ERC1: variants seen among roughly 807,000 people sequenced by gnomAD.
ERC1 encodes ELKS/RAB6-interacting/CAST family member 1.
In ERC1, 56 loss-of-function variants were observed where a neutral mutation model predicts 132.0. That is an observed-to-expected ratio of 0.42 (90% CI 0.34 to 0.53). ERC1 has a LOEUF of 0.53. ERC1 is among the 20% of genes least tolerant of loss of function. The pLI, the probability that ERC1 is intolerant of heterozygous loss-of-function variation, is 0.03. For missense variants in ERC1, 1,202 were observed against 1,349.9 expected, an observed-to-expected ratio of 0.89 and a Z score of 1.72; for synonymous variants, 478 against 476.1, an observed-to-expected ratio of 1.00 and a Z score of -0.05.
chr12:990,934 CGTGTGTGT>C (rs758442595), upstream of ERC1: 2 of 99,418 alleles, frequency 2.0e-5, no homozygotes, highest in African/African-American at 6.1e-5. Context: ...CCGCAGGGGT[CGTGTGTGT>C]GTGTGTGTGA....
chr12:1,180,712 T>G, intron 9 of ERC1, 35 bp downstream of exon 9: 1 of 1,612,474 alleles, frequency 6.2e-7, no homozygotes, highest in Non-Finnish European at 8.5e-7. Flanking sequence ...ACACACGTTT[T>G]CTGCTTTCTC....
chr12:1,440,274 G>A (rs11061758), intron 17 of ERC1, among the ~76,000 whole-genome samples: 31,934 of 134,202 alleles, frequency 0.24, 6,863 homozygotes, highest in African/African-American at 0.59. Flanking sequence ...GTGCCATCTC[G>A]GCTCACTGCA....
chr12:1,199,472 T>TAAA (rs144332674), intron 12 of ERC1, among the ~76,000 whole-genome samples: 3 of 150,156 alleles, frequency 2.0e-5, no homozygotes, highest in African/African-American at 7.3e-5. Context: ...CTGACTTTGT[T>TAAA]AAAAAAAAAA....
At chr12:1,174,302 C>CT (rs1566146362) in intron 8 of ERC1, among the ~76,000 whole-genome samples, 1 of 152,250 alleles carries the variant, frequency 6.6e-6, no homozygotes, top group African/African-American at 2.4e-5. Flanking sequence ...GTCCACTGTT[C>CT]TTTTTTTATT....
At chr12:1,312,634 C>T (rs988854901) in intron 15 of ERC1, among the ~76,000 whole-genome samples, 24 of 152,236 alleles carry the variant, frequency 1.6e-4, no homozygotes, top group Admixed American at 6.5e-5. Context: ...GCTGGTATCA[C>T]AGGCGTGAAC....
At chr12:1,073,959 C>T (rs960616023) in intron 2 of ERC1, among the ~76,000 whole-genome samples, 1 of 150,322 alleles carries the variant, frequency 6.7e-6, no homozygotes, top group Admixed American at 6.6e-5. Context: ...CTCCGCCTCC[C>T]GGATAAGCGA....
intron 17 of ERC1, among the ~76,000 whole-genome samples, chr12:1,412,942 A>G (rs74893188): frequency 1.6e-3 from 242 of 152,294 alleles, no homozygotes; most frequent in African/African-American, 5.6e-3. Context: ...CCCTCATTTT[A>G]TAGGTCAGGA....
intron 15 of ERC1, among the ~76,000 whole-genome samples, chr12:1,304,626 T>G (rs2080696465): frequency 1.3e-5 from 2 of 152,076 alleles, no homozygotes; most frequent in African/African-American, 2.4e-5. Context: ...GTCAGCCAAT[T>G]TATTGGAAGG....
At chr12:1,306,536 G>A (rs1376425744) in intron 15 of ERC1, among the ~76,000 whole-genome samples, 1 of 152,076 alleles carries the variant, frequency 6.6e-6, no homozygotes, top group Non-Finnish European at 1.5e-5. Context: ...TATTTTATTG[G>A]CAGAGTTCAT....
intron 15 of ERC1, among the ~76,000 whole-genome samples, chr12:1,350,865 G>A (rs1003576157): frequency 6.6e-6 from 1 of 152,182 alleles, no homozygotes; most frequent in African/African-American, 2.4e-5. Context: ...GAAGGTCAAA[G>A]GGGAAGGGGA....
intron 17 of ERC1, among the ~76,000 whole-genome samples, chr12:1,417,508 G>A (rs112828689): frequency 0.026 from 3,874 of 151,730 alleles, 195 homozygotes; most frequent in African/African-American, 0.088. Flanking sequence ...GGCCGAGCGC[G>A]GTGGCTCATA....
At chr12:1,159,271 A>G (rs984690339) in intron 8 of ERC1, among the ~76,000 whole-genome samples, 2 of 152,110 alleles carry the variant, frequency 1.3e-5, no homozygotes, top group Admixed American at 1.3e-4. Flanking sequence ...CAGTTTTGGG[A>G]TGAAACTGTC....
At position 1,396,565 on chromosome 12, in the gene ERC1, G is replaced by A. The variant is rs184470815; in HGVS notation, c.2926-11584G>A. Among the ~76,000 whole-genome samples the A allele has an allele frequency of 1.0e-3, 155 of 152,276 alleles. 1 individual carries two copies. The South Asian group carries it at 0.027, about 26-fold the overall frequency. On this transcript the variant is annotated intron_variant, in intron 16 of 18. Coordinates refer to ENST00000360905, the MANE Select transcript of ERC1 (RefSeq NM_178040.4). ...ATGATTAGAATCTGTTTCAGATAGC[G>A]CGGAAAGCCTTTTGTTCCAAACCTC...
intron 18 of ERC1, among the ~76,000 whole-genome samples, chr12:1,460,697 G>T (rs1193396901): frequency 6.6e-6 from 1 of 151,866 alleles, no homozygotes; most frequent in Non-Finnish European, 1.5e-5. Flanking sequence ...AAGATGATTT[G>T]AGTCAGCTTG....
intron 2 of ERC1, among the ~76,000 whole-genome samples, chr12:1,060,022 T>G (rs1015290901): frequency 3.9e-5 from 6 of 152,186 alleles, no homozygotes; most frequent in South Asian, 2.1e-4. Context: ...TTACTTGGTG[T>G]TGTTCTGTTC....
chr12:1,157,870 A>T (rs1951547026), intron 8 of ERC1, among the ~76,000 whole-genome samples: 1 of 152,234 alleles, frequency 6.6e-6, no homozygotes. Context: ...AAGAAAGATT[A>T]GACTTGTTCA....
intron 2 of ERC1, among the ~76,000 whole-genome samples, chr12:1,080,430 A>C (rs1445969757): frequency 6.6e-6 from 1 of 152,168 alleles, no homozygotes; most frequent in African/African-American, 2.4e-5. Context: ...TTGAAGGTTC[A>C]TCTGTGTTGT....
chr12:1,229,074 G>C (rs1008460270), intron 12 of ERC1, among the ~76,000 whole-genome samples: 1 of 152,176 alleles, frequency 6.6e-6, no homozygotes, highest in Non-Finnish European at 1.5e-5. Flanking sequence ...GGATGAATTT[G>C]AGAAGAATTG....
At chr12:1,341,980 C>T (rs1297840048) in intron 15 of ERC1, among the ~76,000 whole-genome samples, 1 of 152,044 alleles carries the variant, frequency 6.6e-6, no homozygotes, top group Non-Finnish European at 1.5e-5. Flanking sequence ...AGTTTCTACT[C>T]TCTTCTGGGA....
Sources: allele counts gnomAD v4.1 joint callset (sites outside exome capture counted in the v4.1 genomes callset), GRCh38; gene constraint gnomAD v4.1.1; transcripts MANE v1.5; gene names NCBI Gene and HGNC (gene_info 2026-07-23, HGNC 2026-07-21).